KIF13A: variants seen among roughly 807,000 people sequenced by gnomAD.
The protein encoded by KIF13A is kinesin family member 13A, also known as kinesin-like protein KIF13A.
Under a neutral mutation model 212.2 loss-of-function variants are expected in KIF13A, and 79 were observed. The ratio of observed to expected loss-of-function variants is 0.37; its 90% CI spans 0.31 to 0.45. The LOEUF is 0.45. Ranked by LOEUF, KIF13A falls within the 20% of genes least tolerant of loss-of-function variation. KIF13A has a pLI of 1.00. For missense variants in KIF13A, 1,901 were observed against 2,209.0 expected, an observed-to-expected ratio of 0.86 and a Z score of 2.79; for synonymous variants, 789 against 808.6, an observed-to-expected ratio of 0.98 and a Z score of 0.41.
intron 2 of KIF13A, among the ~76,000 whole-genome samples, chr6:17,940,817 A>ATTTT (rs11325656): frequency 4.3e-5 from 6 of 140,586 alleles, no homozygotes; most frequent in African/African-American, 1.6e-4. Context: ...ATGTAAATTT[A>ATTTT]TTTTTTTTTT....
At chr6:17,890,364 A>G (rs1020911337) in intron 3 of KIF13A, among the ~76,000 whole-genome samples, 9 of 152,134 alleles carry the variant, frequency 5.9e-5, no homozygotes, top group Non-Finnish European at 8.8e-5. Context: ...CTTGACCCAG[A>G]TAAGACAAAA....
At chr6:17,975,452 G>A (rs139289505) in intron 2 of KIF13A, among the ~76,000 whole-genome samples, 172 of 152,248 alleles carry the variant, frequency 1.1e-3, no homozygotes, top group African/African-American at 4.0e-3. Flanking sequence ...TTACAAAAGT[G>A]AAGCTACAGA....
intron 2 of KIF13A, among the ~76,000 whole-genome samples, chr6:17,964,447 A>G (rs1779122564): frequency 6.6e-6 from 1 of 152,100 alleles, no homozygotes; most frequent in South Asian, 2.1e-4. Flanking sequence ...CCTCAAATAT[A>G]TATATATATT....
At chr6:17,958,347 G>A (rs1032519640) in intron 2 of KIF13A, among the ~76,000 whole-genome samples, 1 of 152,190 alleles carries the variant, frequency 6.6e-6, no homozygotes, top group African/African-American at 2.4e-5. Context: ...CAGCAGTAAT[G>A]TTCCTCCCAA....
intron 2 of KIF13A, among the ~76,000 whole-genome samples, chr6:17,985,632 C>CCGGG (rs112580662): frequency 5.2e-4 from 20 of 38,182 alleles, no homozygotes; most frequent in African/African-American, 9.9e-4. Flanking sequence ...ATGCAGTTTG[C>CCGGG]GGGGGGGTGG....
chr6:17,798,475 T>A, intron 22 of KIF13A, among the ~76,000 whole-genome samples: 1 of 152,262 alleles, frequency 6.6e-6, no homozygotes, highest in East Asian at 1.9e-4. Context: ...GCTATTTGTT[T>A]TCAGAAAAAG....
At chr6:17,948,997 C>A (rs1306664467) in intron 2 of KIF13A, among the ~76,000 whole-genome samples, 1 of 152,068 alleles carries the variant, frequency 6.6e-6, no homozygotes. Context: ...AGTCTTTTGC[C>A]TTTCTTACAT....
rs372857233 is a variant in KIF13A, at chr6:17,777,309, G to A, written c.4138C>T (p.Arg1380Trp). 7.4e-6 allele frequency: 12 copies of A among 1,613,168 alleles called. No homozygotes were observed. The highest frequency in any genetic ancestry group is 5.3e-5 in the African/African-American group (4 of 74,890). ...ACATTTGGTGTACTGAGGCTCCTCC[G>A]AATGTGCCGGGCTTTGGTGGAAAGT... is the stretch of plus-strand genomic sequence containing the variant. ...EALSTKARHI[R>W]RSLSTPNVHN... Residue 1380 changes from arginine to tryptophan, a missense_variant, in exon 34 of 39, where the codon CGG (arginine) becomes TGG (tryptophan). Physicochemically the swap from Arg to Trp is moderately radical, Grantham distance 101. Coordinates refer to ENST00000259711, the MANE Select transcript of KIF13A (RefSeq NM_022113.6). This position sits in a 1 kb window ranked among gnomAD's most constrained non-coding sequence, Gnocchi z 4.4.
In KIF13A at chr6:17,805,510, C is replaced by A. The variant is rs1220710304; in HGVS notation, c.2269G>T (p.Asp757Tyr). ...KLENKLIDMR[D>Y]LYQEWKEKVP... The stretch of plus-strand genomic sequence containing the variant: ...TTTTCCTTCCATTCTTGGTAAAGGT[C>A]TCTCATGTCAATTAATTTATTCTCC... Residue 757 changes from aspartate to tyrosine, a missense_variant, in exon 19 of 39, where the codon GAC (aspartate) becomes TAC (tyrosine). Physicochemically the swap from Asp to Tyr is radical, Grantham distance 160. Coordinates refer to ENST00000259711, the MANE Select transcript of KIF13A (RefSeq NM_022113.6). 2 of 1,613,314 alleles carry A rather than the reference C, an allele frequency of 1.2e-6. No homozygotes were observed. The highest frequency in any genetic ancestry group is 3.3e-5 in the Admixed American group (2 of 59,966).
intron 2 of KIF13A, among the ~76,000 whole-genome samples, chr6:17,907,169 C>T (rs752319717): frequency 6.6e-5 from 10 of 152,108 alleles, no homozygotes; most frequent in Non-Finnish European, 1.2e-4. Context: ...TGACCCTATA[C>T]ATAAAAACTC....
intron 18 of KIF13A, among the ~76,000 whole-genome samples, chr6:17,807,460 G>A (rs963606965): frequency 6.6e-6 from 1 of 151,976 alleles, no homozygotes; most frequent in Admixed American, 6.6e-5. Flanking sequence ...AGCTTACTAG[G>A]GTGGGGAAAA....
chr6:17,831,746 T>TG (rs1765475373), intron 12 of KIF13A, among the ~76,000 whole-genome samples: 1 of 148,988 alleles, frequency 6.7e-6, no homozygotes, highest in South Asian at 2.2e-4. Flanking sequence ...CAAGAACCCC[T>TG]GGCAAATATC....
chr6:17,810,605 A>G lies in KIF13A; in HGVS notation c.2001-1675T>C, dbSNP rs114957466. The stretch of plus-strand genomic sequence containing the variant: ...TTGTGCACTTTATTTCTATTATTAT[A>G]TTGTAATAGACAATGAAATAATGAT... On this transcript the variant is annotated intron_variant, in intron 17 of 38. Transcript: ENST00000259711. Among the ~76,000 whole-genome samples, 904 of 152,332 alleles carry G rather than the reference A, an allele frequency of 5.9e-3. 6 individuals are homozygous for G. Among genetic ancestry groups the G allele is most frequent in the African/African-American group, 0.019 (791 of 41,570 alleles).
At chr6:17,975,821 C>T (rs988216255) in intron 2 of KIF13A, among the ~76,000 whole-genome samples, 1 of 152,118 alleles carries the variant, frequency 6.6e-6, no homozygotes, top group Non-Finnish European at 1.5e-5. Context: ...TCAATTGGTG[C>T]ATTCACGAAC....
At chr6:17,925,280 G>T (rs184881495) in intron 2 of KIF13A, among the ~76,000 whole-genome samples, 1 of 152,358 alleles carries the variant, frequency 6.6e-6, no homozygotes, top group Admixed American at 6.5e-5. Context: ...GTGCAGGTGA[G>T]AGAGGAATCA....
In KIF13A at chr6:17,971,468, C is replaced by G. The variant is rs1779801638; in HGVS notation, c.146+15586G>C. ...ACAGGGTCTCACTCTGTCGCCCAGG[C>G]TGGAGTGCAGTGGTGTAATCATGGC... is the stretch of plus-strand genomic sequence containing the variant. On this transcript the variant is annotated intron_variant, in intron 2 of 38. Transcript: ENST00000259711. This position sits in a 1 kb window ranked among gnomAD's most constrained non-coding sequence, Gnocchi z 4.2. 6.6e-6 allele frequency among the ~76,000 whole-genome samples: 1 copy of G among 151,944 alleles called. No homozygotes were observed. The highest frequency in any genetic ancestry group is 1.5e-5 in the Non-Finnish European group (1 of 68,006).
chr6:17,966,061 G>T (rs569880091), intron 2 of KIF13A, among the ~76,000 whole-genome samples: 1 of 152,286 alleles, frequency 6.6e-6, no homozygotes, highest in South Asian at 2.1e-4. Context: ...GGATGTGATG[G>T]CGTGTGCCTA....
At chr6:17,823,106 G>A (rs1034438075) in intron 16 of KIF13A, among the ~76,000 whole-genome samples, 3 of 151,098 alleles carry the variant, frequency 2.0e-5, no homozygotes, top group Middle Eastern at 3.2e-3. Flanking sequence ...GCACCATCTC[G>A]GATCACTGCA....
rs759791058 is a variant in KIF13A at position 17,849,433 on chromosome 6, T to G, written c.774A>C (p.Arg258Ser). 1 of 1,613,796 alleles carries G rather than the reference T, an allele frequency of 6.2e-7. No individual in the cohort carries two copies. The highest frequency in any genetic ancestry group is 1.1e-5 in the South Asian group (1 of 91,026). Residue 258 changes from arginine (R) to serine (S), a missense_variant, in exon 9 of 39, where the codon AGA becomes AGC. Physicochemically the swap from Arg to Ser is moderately radical, Grantham distance 110. Coordinates refer to ENST00000259711, the MANE Select transcript of KIF13A (RefSeq NM_022113.6). This position sits in a 1 kb window ranked among gnomAD's most constrained non-coding sequence, Gnocchi z 5.7. Reference sequence around the variant, plus strand: ...CTCCTGCAGCTCCTGTTTTAGATACTCTTTCGCTACCCGCCAGGTCTACCA... The same window carrying G: ...CTCCTGCAGCTCCTGTTTTAGATACGCTTTCGCTACCCGCCAGGTCTACCA... ...VSLVDLAGSE[R>S]VSKTGAAGER... is the part of the protein sequence containing the mutation.
Sources: allele counts gnomAD v4.1 joint callset (sites outside exome capture counted in the v4.1 genomes callset), GRCh38; gene constraint gnomAD v4.1.1; non-coding constraint Gnocchi (gnomAD v3.1); transcripts MANE v1.5; gene names NCBI Gene and HGNC (gene_info 2026-07-23, HGNC 2026-07-21).